The following ARHGAP15 variants were observed in gnomAD, a reference collection of about 807,000 sequenced individuals.
ARHGAP15 encodes the protein rho GTPase-activating protein 15.
A neutral mutation model predicts 63.7 loss-of-function variants in ARHGAP15; 51 were observed. The ratio of observed to expected loss-of-function variants is 0.80; its 90% CI spans 0.64 to 1.01. The LOEUF (loss-of-function observed/expected upper bound fraction) is 1.01. ARHGAP15 is among the 50% of genes least tolerant of loss of function. The pLI is 0.00. For synonymous variants in ARHGAP15, 191 were observed against 193.8 expected (o/e 0.99, Z 0.12); for missense variants, 560 against 564.6 (o/e 0.99, Z 0.08).
rs869266541 is a variant in ARHGAP15 at position 143,606,035 on chromosome 2, C to CAAAAAAAAAAAA, written c.1004-18074_1004-18063dup. On this transcript the variant is annotated intron_variant, in intron 11 of 13. Transcript: ENST00000295095. ...TGGGCGCCAGAGCAAGACTCTGTCT[C>CAAAAAAAAAAAA]AAAAAAAAAAAAAAAAAAAAAAAAA... Among the ~76,000 whole-genome samples the CAAAAAAAAAAAA allele has an allele frequency of 1.6e-3, 36 of 22,862 alleles. 7 individuals carry two copies. The highest frequency in any genetic ancestry group is 6.9e-3 in the East Asian group (3 of 434). 15.0% of individuals were successfully genotyped at this position (22,862 alleles called of 152,430 possible). A position where few individuals can be genotyped will look rare whatever the true frequency, so the allele number is the denominator to read the frequency against.
chr2:143,752,877 CT>C (rs1239332849), intron 13 of ARHGAP15, among the ~76,000 whole-genome samples: 2 of 152,194 alleles, frequency 1.3e-5, no homozygotes, highest in Admixed American at 1.3e-4. Flanking sequence ...TGGCTCACAC[CT>C]GTAATCCCAG....
intron 11 of ARHGAP15, among the ~76,000 whole-genome samples, chr2:143,583,113 A>G (rs1352334594): frequency 6.6e-6 from 1 of 152,174 alleles, no homozygotes; most frequent in Non-Finnish European, 1.5e-5. Flanking sequence ...CTAAAGGGGC[A>G]TATAAGTGCC....
intron 13 of ARHGAP15, among the ~76,000 whole-genome samples, chr2:143,732,913 T>TG (rs1553534820): frequency 7.2e-5 from 10 of 139,088 alleles, no homozygotes; most frequent in Non-Finnish European, 1.5e-4. Context: ...TTTTTGGGTT[T>TG]TTTTTTTTTT....
intron 8 of ARHGAP15, among the ~76,000 whole-genome samples, chr2:143,450,720 AAAG>A (rs1348517195): frequency 5.3e-5 from 8 of 151,996 alleles, no homozygotes; most frequent in Admixed American, 1.3e-4. Flanking sequence ...ATTAGGAAAA[AAAG>A]AAGAAGAAAA....
chr2:143,666,058 GA>G (rs1160706722), intron 12 of ARHGAP15, among the ~76,000 whole-genome samples: 1 of 151,254 alleles, frequency 6.6e-6, no homozygotes, highest in Non-Finnish European at 1.5e-5. Flanking sequence ...CACAGAATTG[GA>G]AAAAACTACT....
Position 143,340,608 on chromosome 2 carries a change from T to C in ARHGAP15, c.474+90008T>C, listed in dbSNP as rs565304180. The stretch of plus-strand genomic sequence containing the variant: ...GTGCAAGCACCTTTGTTCAAGCTGT[T>C]CATAAACCACAAATCTGGCAACTTC... On this transcript the variant is annotated intron_variant, in intron 6 of 13. Coordinates refer to ENST00000295095, the MANE Select transcript of ARHGAP15 (RefSeq NM_018460.4). Among the ~76,000 whole-genome samples the C allele has an allele frequency of 2.2e-4, 33 of 152,148 alleles. 1 individual carries two copies. In the South Asian group the frequency reaches 6.8e-3, roughly 32 times the overall value.
chr2:143,186,263 G>A (rs1691443653), intron 2 of ARHGAP15, among the ~76,000 whole-genome samples: 1 of 152,082 alleles, frequency 6.6e-6, no homozygotes, highest in Non-Finnish European at 1.5e-5. Flanking sequence ...GACTTATGAA[G>A]AGCAAAAATG....
At chr2:143,214,574 T>C (rs191865478) in intron 3 of ARHGAP15, among the ~76,000 whole-genome samples, 16 of 152,312 alleles carry the variant, frequency 1.1e-4, no homozygotes, top group Admixed American at 3.3e-4. Flanking sequence ...GTGAATACCA[T>C]GGTTCTCAAA....
intron 1 of ARHGAP15, among the ~76,000 whole-genome samples, chr2:143,138,332 G>A (rs959713288): frequency 6.6e-6 from 1 of 151,982 alleles, no homozygotes; most frequent in African/African-American, 2.4e-5. Context: ...GTCATGAGTT[G>A]TACATAGATC....
At chr2:143,481,734 G>A (rs10048736) in intron 8 of ARHGAP15, among the ~76,000 whole-genome samples, 43,238 of 152,016 alleles carry the variant, frequency 0.28, 6,914 homozygotes, top group Non-Finnish European at 0.36. Context: ...ATTTTTAATA[G>A]CACAATAGCT....
intron 12 of ARHGAP15, among the ~76,000 whole-genome samples, chr2:143,664,204 T>C (rs955719813): frequency 6.6e-6 from 1 of 152,010 alleles, no homozygotes; most frequent in Admixed American, 6.6e-5. Flanking sequence ...GAACAGAGAT[T>C]ACAACAAACT....
chr2:143,235,260 A>G (rs901385586), intron 5 of ARHGAP15, among the ~76,000 whole-genome samples: 1 of 124,446 alleles, frequency 8.0e-6, no homozygotes, highest in Non-Finnish European at 1.8e-5. Context: ...TTTTTTTTCC[A>G]CTGAGATTTT....
intron 13 of ARHGAP15, among the ~76,000 whole-genome samples, chr2:143,747,367 G>A (rs931524701): frequency 6.6e-6 from 1 of 152,096 alleles, no homozygotes; most frequent in African/African-American, 2.4e-5. Context: ...TGTAACTTAT[G>A]AGCCAATATT....
chr2:143,323,304 C>T (rs1335743021), intron 6 of ARHGAP15, among the ~76,000 whole-genome samples: 1 of 152,156 alleles, frequency 6.6e-6, no homozygotes, highest in South Asian at 2.1e-4. Context: ...CAGTGGATTG[C>T]TCACCAAAAT....
At chr2:143,345,123 C>T (rs1012656086) in intron 6 of ARHGAP15, among the ~76,000 whole-genome samples, 2 of 152,076 alleles carry the variant, frequency 1.3e-5, no homozygotes, top group African/African-American at 4.8e-5. Context: ...AGTCACCCAG[C>T]ATTATTATTA....
intron 13 of ARHGAP15, among the ~76,000 whole-genome samples, chr2:143,761,861 C>A (rs1686771077): frequency 6.6e-6 from 1 of 152,026 alleles, no homozygotes; most frequent in Non-Finnish European, 1.5e-5. Flanking sequence ...TTTTTTAATG[C>A]TGTAAACTGT....
intron 6 of ARHGAP15, among the ~76,000 whole-genome samples, chr2:143,254,429 AC>A (rs1680316492): frequency 1.3e-5 from 2 of 151,512 alleles, no homozygotes; most frequent in South Asian, 4.2e-4. Context: ...AAAAAAAAAA[AC>A]TCTTATATCT....
chr2:143,355,850 T>G (rs1441629108), intron 6 of ARHGAP15, among the ~76,000 whole-genome samples: 2 of 152,162 alleles, frequency 1.3e-5, no homozygotes, highest in East Asian at 3.9e-4. Context: ...GTGATGAAAT[T>G]AAAGGATGAA....
intron 12 of ARHGAP15, among the ~76,000 whole-genome samples, chr2:143,648,389 G>A (rs1680994870): frequency 6.6e-6 from 1 of 152,132 alleles, no homozygotes; most frequent in East Asian, 1.9e-4. Context: ...AGCCTACAGG[G>A]TAATTCAGAT....
Sources: gnomAD v4.1 joint callset for allele counts (sites outside exome capture counted in the v4.1 genomes callset) on GRCh38, gnomAD v4.1.1 for gene constraint, MANE v1.5 for transcripts, NCBI Gene and HGNC (gene_info 2026-07-23, HGNC 2026-07-21) for gene names.